Variants in ASH1L observed in about 807,000 individuals in gnomAD.
The protein encoded by ASH1L is histone-lysine N-methyltransferase ASH1L.
A neutral mutation model predicts 269.0 loss-of-function variants in ASH1L; 23 were observed. The observed-to-expected ratio is 0.09, with a 90% confidence interval of 0.06 to 0.12. The LOEUF (loss-of-function observed/expected upper bound fraction) is 0.12, where lower values mean the gene tolerates loss of function less well. ASH1L is among the 10% of genes least tolerant of loss of function. The pLI, the probability that ASH1L is intolerant of heterozygous loss-of-function variation, is 1.00. For missense variants in ASH1L, 2,912 were observed against 3,567.8 expected (o/e 0.82, Z 4.68); for synonymous variants, 1,187 against 1,253.5 (o/e 0.95, Z 1.12).
intron 2 of ASH1L, among the ~76,000 whole-genome samples, chr1:155,512,059 G>A (rs763373246): frequency 7.2e-5 from 11 of 151,894 alleles, no homozygotes; most frequent in African/African-American, 2.7e-4. Flanking sequence ...TGATCCACCC[G>A]CCTGGGTCTC....
At chr1:155,425,116 T>C (rs1661027873) in intron 5 of ASH1L, among the ~76,000 whole-genome samples, 1 of 151,820 alleles carries the variant, frequency 6.6e-6, no homozygotes, top group African/African-American at 2.4e-5. Context: ...ATTAAAGGCA[T>C]GCACAACCAT....
Position 155,392,040 on chromosome 1 carries a change from G to T in ASH1L, c.6103+3419C>A, listed in dbSNP as rs1657973009. 2.6e-5 allele frequency among the ~76,000 whole-genome samples: 4 copies of T among 152,084 alleles called. 1 individual carries two copies. In the South Asian group the frequency reaches 8.3e-4, roughly 32 times the overall value. ...TTGCATTAGAGCAACCAGTTACTGT[G>T]GGTTAACCAAAATCTGTAACACTCT... On this transcript the variant is annotated intron_variant, in intron 7 of 27. Transcript: ENST00000392403.
chr1:155,358,653 A>C (rs1255752524), intron 13 of ASH1L: 1 of 151,498 alleles, frequency 6.6e-6, no homozygotes, highest in Admixed American at 6.6e-5. Context: ...ACGCCACTGC[A>C]CTCTAGCCTG....
At chr1:155,417,248 T>C (rs1660293798) in intron 5 of ASH1L, among the ~76,000 whole-genome samples, 1 of 151,838 alleles carries the variant, frequency 6.6e-6, no homozygotes, top group South Asian at 2.1e-4. Flanking sequence ...ACCTTGCCTT[T>C]CTAAGAATGA....
intron 1 of ASH1L, among the ~76,000 whole-genome samples, chr1:155,553,539 C>T (rs577527556): frequency 1.3e-5 from 2 of 152,236 alleles, no homozygotes; most frequent in African/African-American, 4.8e-5. Context: ...CTGTGTCATA[C>T]GTTCATACGT....
At chr1:155,459,362 G>GT (rs1460265714) in intron 4 of ASH1L, among the ~76,000 whole-genome samples, 7 of 151,964 alleles carry the variant, frequency 4.6e-5, no homozygotes, top group Non-Finnish European at 7.4e-5. Context: ...TGCCTGGCTA[G>GT]TTTTTGTATT....
At chr1:155,471,907 A>G (rs985002041) in intron 3 of ASH1L, among the ~76,000 whole-genome samples, 1 of 152,212 alleles carries the variant, frequency 6.6e-6, no homozygotes, top group African/African-American at 2.4e-5. Context: ...GAATTGAACT[A>G]AATTGTACAA....
intron 2 of ASH1L, among the ~76,000 whole-genome samples, chr1:155,494,060 T>C (rs979759242): frequency 1.3e-5 from 2 of 152,050 alleles, no homozygotes; most frequent in Non-Finnish European, 2.9e-5. Context: ...AAATGCACTA[T>C]GGAGAAAATC....
chr1:155,423,480 A>C (rs1264040485), intron 5 of ASH1L, among the ~76,000 whole-genome samples: 1 of 151,858 alleles, frequency 6.6e-6, no homozygotes, highest in African/African-American at 2.4e-5. Flanking sequence ...GACGTCGGGG[A>C]ATTGCTGGAA....
intron 7 of ASH1L, among the ~76,000 whole-genome samples, chr1:155,393,267 C>T (rs1320050125): frequency 6.6e-6 from 1 of 152,164 alleles, no homozygotes; most frequent in Non-Finnish European, 1.5e-5. Flanking sequence ...TACTGAAGAA[C>T]TTGTTTATGT....
intron 15 of ASH1L, among the ~76,000 whole-genome samples, chr1:155,354,975 G>A (rs1376832526): frequency 6.6e-6 from 1 of 152,174 alleles, no homozygotes; most frequent in African/African-American, 2.4e-5. Context: ...AACTGGACTG[G>A]CAAATGAAGG....
At chr1:155,489,330 T>C (rs1387482741) in intron 2 of ASH1L, among the ~76,000 whole-genome samples, 1 of 151,682 alleles carries the variant, frequency 6.6e-6, no homozygotes, top group Non-Finnish European at 1.5e-5. Flanking sequence ...AAAAATTAGC[T>C]GGGTGTGGTG....
rs2148305392 is a variant in ASH1L, at chr1:155,338,272, G to A, written c.8620C>T (p.Pro2874Ser). The change falls in exon 27 of 28, where the codon CCC becomes TCC. Residue 2874 changes from proline to serine, a missense_variant. Coordinates refer to ENST00000392403, the MANE Select transcript of ASH1L (RefSeq NM_018489.3). ...TCCCGTTCTGGCTCCTCCAGGCTGG[G>A]TATCTCATTGGCTGCTTGCTCTTGA... ...ASQEQAANEI[P>S]SLEEPEREGA... 6.2e-7 allele frequency: 1 copy of A among 1,613,986 alleles called. No homozygotes were observed. The highest frequency in any genetic ancestry group is 1.3e-5 in the African/African-American group (1 of 74,986).
intron 1 of ASH1L, among the ~76,000 whole-genome samples, chr1:155,551,955 G>A (rs141851280): frequency 3.9e-5 from 6 of 152,120 alleles, no homozygotes; most frequent in South Asian, 4.2e-4. Flanking sequence ...CAGCCTGGGC[G>A]AAAGGTTGAG....
chr1:155,501,457 A>G (rs1236509655), intron 2 of ASH1L, among the ~76,000 whole-genome samples: 1 of 152,012 alleles, frequency 6.6e-6, no homozygotes, highest in African/African-American at 2.4e-5. Context: ...TGCAATCTCC[A>G]CCTCCCGGTT....
intron 1 of ASH1L, among the ~76,000 whole-genome samples, chr1:155,555,391 G>C (rs1009914640): frequency 4.0e-5 from 6 of 151,268 alleles, no homozygotes; most frequent in African/African-American, 1.5e-4. Context: ...AAGCTACTCA[G>C]GAGGCTGAGG....
chr1:155,438,117 G>A (rs1662244576), intron 5 of ASH1L, among the ~76,000 whole-genome samples: 1 of 152,046 alleles, frequency 6.6e-6, no homozygotes, highest in Admixed American at 6.6e-5. Flanking sequence ...CAAAGTGCTG[G>A]GATTACAGGT....
intron 5 of ASH1L, among the ~76,000 whole-genome samples, chr1:155,427,938 C>T (rs188552509): frequency 6.6e-6 from 1 of 152,282 alleles, no homozygotes; most frequent in East Asian, 1.9e-4. Context: ...GTGTATGGCA[C>T]TTCGTCCTTC....
rs764077944 is a variant in ASH1L at position 155,375,922 on chromosome 1, G to A, written c.6332+2359C>T. Among the ~76,000 whole-genome samples, 10 of 152,224 alleles carry A rather than the reference G, an allele frequency of 6.6e-5. No individual in the cohort carries two copies. The East Asian group carries it at 7.7e-4, about 12-fold the overall frequency. ...GGCCTCGGCTAAGTATCGAGATCCC[G>A]TCTCTACTTTAAAAATAAATAAAAT... On this transcript the variant is annotated intron_variant, in intron 10 of 27. Transcript: ENST00000392403.
Sources: gnomAD v4.1 joint callset for allele counts (sites outside exome capture counted in the v4.1 genomes callset) on GRCh38, gnomAD v4.1.1 for gene constraint, MANE v1.5 for transcripts, NCBI Gene and HGNC (gene_info 2026-07-23, HGNC 2026-07-21) for gene names.